The following CDH18 variants were observed in gnomAD, a reference collection of about 807,000 sequenced individuals.
CDH18 encodes the protein cadherin 18.
In CDH18, 31 loss-of-function variants were observed where a neutral mutation model predicts 67.9. The observed-to-expected ratio is 0.46, with a 90% CI of 0.34 to 0.62. CDH18 has a LOEUF of 0.62. CDH18 is among the 20% of genes least tolerant of loss of function. CDH18 has a pLI of 0.01. For synonymous variants in CDH18, 362 were observed against 347.2 expected, an observed-to-expected ratio of 1.04 and a Z score of -0.48; for missense variants, 890 against 975.5, an observed-to-expected ratio of 0.91 and a Z score of 1.17.
At chr5:20,102,162 A>G (rs1012278232) in intron 2 of CDH18, among the ~76,000 whole-genome samples, 1 of 152,192 alleles carries the variant, frequency 6.6e-6, no homozygotes, top group Non-Finnish European at 1.5e-5. Flanking sequence ...AAAGGAATAA[A>G]TTAAACATAA....
rs1175079897 is a variant in CDH18 at position 19,747,172 on chromosome 5, C to T, written c.293G>A (p.Gly98Glu). 7 of 1,613,872 alleles carry T rather than the reference C, an allele frequency of 4.3e-6. No individual in the cohort carries two copies. Among genetic ancestry groups the T allele is most frequent in the Non-Finnish European group, 5.9e-6 (7 of 1,179,864 alleles). ...GGTATCGTCAATGATAAATATAGTC[C>T]CAGCACCCTCTCCAGTAAGGATGTA... ...VKYILTGEGA[G>E]TIFIIDDTTG... Residue 98 changes from glycine to glutamate, a missense_variant, in exon 4 of 13, where the codon GGG (glycine) becomes GAG (glutamate). Around this residue, in one of 2 missense-constraint regions of CDH18, gnomAD observed 234 missense variants for 307.4 expected, o/e 0.76. Coordinates refer to ENST00000382275, the MANE Select transcript of CDH18 (RefSeq NM_004934.5).
intron 10 of CDH18, among the ~76,000 whole-genome samples, chr5:19,517,252 C>G (rs970755861): frequency 6.6e-6 from 1 of 151,986 alleles, no homozygotes; most frequent in Non-Finnish European, 1.5e-5. Context: ...TTTTTATATG[C>G]TGGTTGGCTC....
chr5:20,291,884 T>C (rs1182078499), intron 1 of CDH18, among the ~76,000 whole-genome samples: 4 of 152,156 alleles, frequency 2.6e-5, no homozygotes, highest in Admixed American at 1.3e-4. Context: ...ATTCAGAATG[T>C]CTCCTCTGGC....
At chr5:20,082,904 C>A (rs551896260) in intron 2 of CDH18, among the ~76,000 whole-genome samples, 1 of 152,258 alleles carries the variant, frequency 6.6e-6, no homozygotes, top group African/African-American at 2.4e-5. Flanking sequence ...AGGAATCAAC[C>A]CTGCCAGCAC....
At chr5:19,898,731 G>A (rs1789619195) in intron 2 of CDH18, among the ~76,000 whole-genome samples, 1 of 152,102 alleles carries the variant, frequency 6.6e-6, no homozygotes, top group African/African-American at 2.4e-5. Flanking sequence ...AATGTTTCAT[G>A]ACATTGGGCT....
At chr5:20,330,022 T>C (rs76434120) in intron 1 of CDH18, among the ~76,000 whole-genome samples, 1,727 of 151,988 alleles carry the variant, frequency 0.011, 37 homozygotes, top group African/African-American at 0.04. Context: ...TAATGAAAAA[T>C]AGTTATGTGT....
At position 20,538,896 on chromosome 5, in the gene CDH18, C is replaced by CTGTT. The variant is rs1756876047; in HGVS notation, c.-580+36562_-580+36565dup. 1.6e-4 allele frequency among the ~76,000 whole-genome samples: 11 copies of CTGTT among 69,124 alleles called. No individual in the cohort carries two copies. The South Asian group carries it at 4.3e-3, about 27-fold the overall frequency. 45.3% of individuals were successfully genotyped at this position (69,124 alleles called of 152,430 possible). A position where few individuals can be genotyped will look rare whatever the true frequency, so the allele number is the denominator to read the frequency against. On this transcript the variant is annotated intron_variant, in intron 1 of 14. Coordinates refer to the CDH18 transcript ENST00000507958. The stretch of plus-strand genomic sequence containing the variant: ...ACTGGATATACATCCACATAGCCAA[C>CTGTT]TGTTTTTTTTTTGTTTTTTTTTTTT...
chr5:20,304,293 C>T (rs1203155448), intron 1 of CDH18: 25 of 1,602,034 alleles, frequency 1.6e-5, no homozygotes, highest in Non-Finnish European at 2.1e-5. Context: ...TTCTGATTTG[C>T]TGTAGGTTTT....
chr5:19,820,470 G>A (rs571393122), intron 3 of CDH18, among the ~76,000 whole-genome samples: 12 of 152,096 alleles, frequency 7.9e-5, no homozygotes, highest in African/African-American at 2.9e-4. Flanking sequence ...CCTTGTCTAG[G>A]GATCCTCCAC....
intron 1 of CDH18, among the ~76,000 whole-genome samples, chr5:20,294,415 G>A (rs1309135016): frequency 6.6e-6 from 1 of 152,148 alleles, no homozygotes; most frequent in Non-Finnish European, 1.5e-5. Flanking sequence ...TTGTTAATGC[G>A]ATTGGTGGGT....
intron 2 of CDH18, among the ~76,000 whole-genome samples, chr5:19,842,251 G>A (rs1581601094): frequency 6.6e-6 from 1 of 152,114 alleles, no homozygotes; most frequent in African/African-American, 2.4e-5. Context: ...CACCAATATG[G>A]TCTGGCTCTG....
intron 5 of CDH18, among the ~76,000 whole-genome samples, chr5:19,674,404 A>C (rs1258848690): frequency 6.6e-6 from 1 of 152,138 alleles, no homozygotes; most frequent in Admixed American, 6.6e-5. Context: ...TTCTGCAATA[A>C]AATATTTTGT....
intron 3 of CDH18, among the ~76,000 whole-genome samples, chr5:19,835,150 A>G (rs1291232495): frequency 6.6e-6 from 1 of 152,210 alleles, no homozygotes; most frequent in East Asian, 1.9e-4. Context: ...GACTAAATTA[A>G]GAAAATGTGG....
intron 1 of CDH18, among the ~76,000 whole-genome samples, chr5:20,517,367 T>C (rs1755441988): frequency 6.6e-6 from 1 of 151,658 alleles, no homozygotes; most frequent in African/African-American, 2.4e-5. Flanking sequence ...ATTAATCTTA[T>C]TCCTAAAGAC....
intron 1 of CDH18, among the ~76,000 whole-genome samples, chr5:20,487,553 T>C (rs915377310): frequency 7.3e-5 from 11 of 151,198 alleles, no homozygotes; most frequent in South Asian, 2.1e-4. Context: ...CAACTTATTA[T>C]ATGTTCATAA....
At chr5:19,578,574 G>C (rs927258653) in intron 7 of CDH18, among the ~76,000 whole-genome samples, 4 of 150,944 alleles carry the variant, frequency 2.6e-5, no homozygotes, top group African/African-American at 7.3e-5. Context: ...AAAAAATCAG[G>C]TTTGAATATA....
chr5:19,876,635 C>T (rs999141697), intron 2 of CDH18, among the ~76,000 whole-genome samples: 1 of 151,840 alleles, frequency 6.6e-6, no homozygotes, highest in African/African-American at 2.4e-5. Context: ...TAGATCCTGA[C>T]CATTTGGAGA....
At chr5:20,492,837 A>C (rs1432378790) in intron 1 of CDH18, among the ~76,000 whole-genome samples, 1 of 152,186 alleles carries the variant, frequency 6.6e-6, no homozygotes, top group Non-Finnish European at 1.5e-5. Context: ...TAACACACAC[A>C]TGCCTTGATG....
At chr5:19,896,734 A>T (rs1789385060) in intron 2 of CDH18, among the ~76,000 whole-genome samples, 1 of 152,244 alleles carries the variant, frequency 6.6e-6, no homozygotes, top group Non-Finnish European at 1.5e-5. Flanking sequence ...TAGAAACACA[A>T]ATAAATACAT....
Sources: allele counts gnomAD v4.1 joint callset (sites outside exome capture counted in the v4.1 genomes callset), GRCh38; gene constraint gnomAD v4.1.1; regional missense constraint gnomAD v4.1.1; transcripts MANE v1.5; gene names NCBI Gene and HGNC (gene_info 2026-07-23, HGNC 2026-07-21).